Variants in SNTG1 observed in about 807,000 individuals in gnomAD.
SNTG1 encodes gamma-1-syntrophin.
A neutral mutation model predicts 74.7 loss-of-function variants in SNTG1; 39 were observed. The observed-to-expected ratio is 0.52, with a 90% CI of 0.40 to 0.68. The LOEUF (loss-of-function observed/expected upper bound fraction) is 0.68. Ranked by LOEUF, SNTG1 falls within the 30% of genes least tolerant of loss-of-function variation. The pLI, the probability that SNTG1 is intolerant of heterozygous loss-of-function variation, is 0.00. For missense variants in SNTG1, 685 were observed against 609.5 expected (o/e 1.12, Z -1.30); for synonymous variants, 254 against 217.1 (o/e 1.17, Z -1.49).
At chr8:50,197,315 C>A (rs2131820815) in intron 2 of SNTG1, among the ~76,000 whole-genome samples, 1 of 152,258 alleles carries the variant, frequency 6.6e-6, no homozygotes, top group South Asian at 2.1e-4. Flanking sequence ...CAAATACATT[C>A]CTGTAAGCAG....
At chr8:50,576,964 C>A (rs895534038) in intron 12 of SNTG1, among the ~76,000 whole-genome samples, 2 of 152,006 alleles carry the variant, frequency 1.3e-5, no homozygotes, top group African/African-American at 4.8e-5. Flanking sequence ...TGCTTAATTA[C>A]AGCTGCTAGG....
At chr8:50,774,188 G>A (rs2095634190) in intron 18 of SNTG1, among the ~76,000 whole-genome samples, 1 of 151,736 alleles carries the variant, frequency 6.6e-6, no homozygotes, top group South Asian at 2.1e-4. Context: ...AACAAGAAGG[G>A]ACATGGATAG....
intron 1 of SNTG1, among the ~76,000 whole-genome samples, chr8:50,170,974 C>T (rs1423687182): frequency 6.6e-6 from 1 of 152,120 alleles, no homozygotes; most frequent in Non-Finnish European, 1.5e-5. Context: ...CCCACCTGAT[C>T]GATCAAGTAT....
At chr8:50,761,577 G>C (rs1469995509) in intron 18 of SNTG1, among the ~76,000 whole-genome samples, 1 of 150,970 alleles carries the variant, frequency 6.6e-6, no homozygotes, top group Non-Finnish European at 1.5e-5. Flanking sequence ...GGCAGGCCTT[G>C]CTAAGAAGAA....
At chr8:50,124,041 AT>A (rs2081070485) in intron 1 of SNTG1, among the ~76,000 whole-genome samples, 1 of 142,784 alleles carries the variant, frequency 7.0e-6, no homozygotes, top group African/African-American at 2.5e-5. Context: ...TCAGATTAAT[AT>A]GTTAAATTCT....
Position 50,687,148 on chromosome 8 carries a change from A to T in SNTG1, c.1039-17452A>T, listed in dbSNP as rs558923107. Among the ~76,000 whole-genome samples the T allele has an allele frequency of 1.4e-3, 207 of 146,590 alleles. 4 individuals are homozygous for T. Among genetic ancestry groups the T allele is most frequent in the African/African-American group, 4.1e-3 (157 of 38,026 alleles). ...CAGAGCGAGACTCCGTCTCAAAAAA[A>T]AAAAATAAAATAAACATGAAAACAA... is the stretch of plus-strand genomic sequence containing the variant. On this transcript the variant is annotated intron_variant, in intron 15 of 18. Transcript: ENST00000642720.
At chr8:50,044,911 T>C (rs946067824) in intron 1 of SNTG1, among the ~76,000 whole-genome samples, 1 of 152,248 alleles carries the variant, frequency 6.6e-6, no homozygotes, top group Non-Finnish European at 1.5e-5. Flanking sequence ...AAATAGATGA[T>C]ATTTGCGAAC....
At chr8:50,434,204 A>G (rs544661072) in intron 4 of SNTG1, among the ~76,000 whole-genome samples, 2 of 151,984 alleles carry the variant, frequency 1.3e-5, no homozygotes, top group Admixed American at 6.6e-5. Context: ...CCATTTCCCT[A>G]CAAAGGACAT....
At chr8:50,513,748 G>A (rs932161096) in intron 9 of SNTG1, among the ~76,000 whole-genome samples, 6 of 152,232 alleles carry the variant, frequency 3.9e-5, no homozygotes, top group Admixed American at 6.5e-5. Context: ...TGTGCCGTTT[G>A]CTAAGACCGT....
intron 2 of SNTG1, among the ~76,000 whole-genome samples, chr8:50,365,892 C>A (rs2131105956): frequency 6.6e-6 from 1 of 152,152 alleles, no homozygotes; most frequent in Non-Finnish European, 1.5e-5. Context: ...CTTTATTTTG[C>A]AAAATGTTGC....
intron 17 of SNTG1, among the ~76,000 whole-genome samples, chr8:50,709,848 T>C (rs1224677317): frequency 2.0e-5 from 3 of 152,172 alleles, no homozygotes; most frequent in African/African-American, 7.2e-5. Flanking sequence ...GGGTATAAAT[T>C]GATTTGTTCC....
intron 1 of SNTG1, among the ~76,000 whole-genome samples, chr8:50,022,612 A>T (rs1304897532): frequency 6.6e-6 from 1 of 152,194 alleles, no homozygotes; most frequent in Non-Finnish European, 1.5e-5. Flanking sequence ...AGTGGATTTA[A>T]TTAAGTGGAA....
intron 2 of SNTG1, among the ~76,000 whole-genome samples, chr8:50,220,114 G>C (rs4873430): frequency 0.42 from 63,830 of 151,820 alleles, 16,654 homozygotes; most frequent in African/African-American, 0.75. Context: ...ATGACAAAAA[G>C]AAGGGCCAAA....
intron 2 of SNTG1, among the ~76,000 whole-genome samples, chr8:50,382,827 T>G (rs2092511603): frequency 6.6e-6 from 1 of 152,136 alleles, no homozygotes; most frequent in Non-Finnish European, 1.5e-5. Context: ...AGAAATTGGC[T>G]CATGCAATTG....
intron 15 of SNTG1, among the ~76,000 whole-genome samples, chr8:50,693,080 C>A (rs2095389166): frequency 6.6e-6 from 1 of 152,166 alleles, no homozygotes; most frequent in South Asian, 2.1e-4. Context: ...TCCTGATGTG[C>A]CCTTTTTTTA....
chr8:50,327,046 G>A (rs1013461435), intron 2 of SNTG1, among the ~76,000 whole-genome samples: 3 of 152,174 alleles, frequency 2.0e-5, no homozygotes, highest in East Asian at 3.9e-4. Context: ...CCATTGTAGT[G>A]TGAGAGCATA....
At chr8:50,596,251 T>C (rs1469051057) in intron 13 of SNTG1, among the ~76,000 whole-genome samples, 1 of 152,082 alleles carries the variant, frequency 6.6e-6, no homozygotes, top group Admixed American at 6.5e-5. Flanking sequence ...GTATATATTC[T>C]TTTGTGAATT....
chr8:49,938,607 C>CTTTTTT (rs60669251), intron 1 of SNTG1, among the ~76,000 whole-genome samples: 1 of 27,876 alleles, frequency 3.6e-5, no homozygotes, highest in African/African-American at 9.4e-5. Flanking sequence ...CTTTTCTTTT[C>CTTTTTT]TTTCTTTCTT....
At chr8:50,119,303 G>T (rs2080922914) in intron 1 of SNTG1, among the ~76,000 whole-genome samples, 1 of 139,042 alleles carries the variant, frequency 7.2e-6, no homozygotes, top group Non-Finnish European at 1.6e-5. Context: ...ACAATTTCAG[G>T]AACACACTCT....
Sources: gnomAD v4.1 joint callset for allele counts (sites outside exome capture counted in the v4.1 genomes callset) on GRCh38, gnomAD v4.1.1 for gene constraint, MANE v1.5 for transcripts, NCBI Gene and HGNC (gene_info 2026-07-23, HGNC 2026-07-21) for gene names.